Variants in WDR62 observed in about 807,000 individuals in gnomAD.
WDR62 encodes WD repeat domain 62, also known as WD repeat-containing protein 62.
WDR62 carries 112 observed loss-of-function variants against 160.6 expected under a neutral mutation model. That is an observed-to-expected ratio of 0.70 (90% CI 0.60 to 0.82). The LOEUF (loss-of-function observed/expected upper bound fraction) is 0.82. Among genes scored for constraint, WDR62 ranks in the 40% least tolerant of loss-of-function variants. The pLI, the probability that WDR62 is intolerant of heterozygous loss-of-function variation, is 0.00. For synonymous variants in WDR62, 792 were observed against 815.1 expected, an observed-to-expected ratio of 0.97 and a Z score of 0.48; for missense variants, 1,819 against 1,983.8, an observed-to-expected ratio of 0.92 and a Z score of 1.58.
intron 30 of WDR62, 118 bp from the exon 31 acceptor site, chr19:36,104,400 T>C (rs1973605095): frequency 1.5e-6 from 2 of 1,344,158 alleles, no homozygotes; most frequent in East Asian, 4.8e-5. Flanking sequence ...GGAGGGAGCC[T>C]TGGGGACCCA....
intron 31 of WDR62, 42 bp downstream of exon 31, chr19:36,104,717 T>C: frequency 1.2e-6 from 2 of 1,613,922 alleles, no homozygotes; most frequent in Non-Finnish European, 1.7e-6. Context: ...GAGGGGTCTC[T>C]TGAGACCGCC....
intron 9 of WDR62, among the ~76,000 whole-genome samples, chr19:36,080,697 C>T (rs1004745878): frequency 2.6e-5 from 4 of 152,058 alleles, no homozygotes; most frequent in African/African-American, 9.7e-5. Flanking sequence ...TCAGGTGATC[C>T]GCCCACCTCA....
At position 36,094,688 on chromosome 19, in the gene WDR62, G is replaced by A. The variant is rs1024486855; in HGVS notation, c.2467+524G>A. ...GAGGGTCACTTGAGGCCAGGAGGTCGAGACCAGCCTGGGCAACATAGCGAG... is the reference window on the plus strand; with the variant it reads ...GAGGGTCACTTGAGGCCAGGAGGTCAAGACCAGCCTGGGCAACATAGCGAG... On this transcript the variant is annotated intron_variant, in intron 20 of 31. Coordinates refer to ENST00000401500, the MANE Select transcript of WDR62 (RefSeq NM_001083961.2). 4.6e-5 allele frequency among the ~76,000 whole-genome samples: 7 copies of A among 151,818 alleles called. No individual in the cohort carries two copies. The East Asian group carries it at 1.2e-3, about 25-fold the overall frequency.
At chr19:36,093,644 A>G (rs1333114665) in intron 19 of WDR62, among the ~76,000 whole-genome samples, 1 of 152,128 alleles carries the variant, frequency 6.6e-6, no homozygotes, top group African/African-American at 2.4e-5. Flanking sequence ...CCCCCAAGCT[A>G]TGAACCAGGG....
intron 11 of WDR62, 141 bp downstream of exon 11, chr19:36,083,382 C>G (rs1016992): frequency 4.5e-6 from 4 of 898,088 alleles, no homozygotes; most frequent in Non-Finnish European, 7.1e-6. Context: ...CCATGAACAG[C>G]TCCCATTGGG....
At chr19:36,104,450 C>A in intron 30 of WDR62, 68 bp from the exon 31 acceptor site, 1 of 1,589,048 alleles carries the variant, frequency 6.3e-7, no homozygotes, top group African/African-American at 1.3e-5. Context: ...GGAGTCCACC[C>A]AGTCGCTCTG....
intron 9 of WDR62, chr19:36,074,417 T>C (rs962260377): frequency 8.5e-5 from 13 of 152,224 alleles, no homozygotes; most frequent in Non-Finnish European, 2.9e-5. Flanking sequence ...CCCAGCACTT[T>C]GGGAAATCGA....
At chr19:36,096,705 C>T (rs148855944) in intron 20 of WDR62, among the ~76,000 whole-genome samples, 5,272 of 148,514 alleles carry the variant, frequency 0.035, 132 homozygotes, top group East Asian at 0.11. Flanking sequence ...AGCGAGACTC[C>T]GTCTCAAAAA....
At chr19:36,103,099 A>G (rs1031241607) in intron 28 of WDR62, 25 bp downstream of exon 28, 1 of 1,614,006 alleles carries the variant, frequency 6.2e-7, no homozygotes, top group Non-Finnish European at 8.5e-7. Context: ...CACCTCCGTC[A>G]GGGCACGGGG....
intron 1 of WDR62, among the ~76,000 whole-genome samples, chr19:36,057,025 G>C (rs1345969850): frequency 6.6e-6 from 1 of 152,062 alleles, no homozygotes; most frequent in East Asian, 1.9e-4. Context: ...GTGTTGGCCA[G>C]GCTGGTCTTG....
rs200298843 is a variant in WDR62, at chr19:36,071,657, C to T, written c.984C>T (p.Leu328=). 5.9e-5 allele frequency: 96 copies of T among 1,614,256 alleles called. No homozygotes were observed. In the Middle Eastern group the frequency reaches 6.6e-4, roughly 11 times the overall value. ...TCCAGGCCCATAGCCTGCACTACCT[C>T]GCCAACCTGCCCAAGCCACACTACC... ...RIFQAHSLHY[L]ANLPKPHYLG... is the part of the protein sequence containing the mutation. Residue 328 remains leucine, a synonymous_variant, in exon 8 of 32, where the codon CTC becomes CTT. Transcript: ENST00000401500.
rs755604204 is a variant in WDR62 at position 36,086,821 on chromosome 19, C to T, written c.1768+9C>T. 2.7e-5 allele frequency: 44 copies of T among 1,608,836 alleles called. No individual in the cohort carries two copies. The highest frequency in any genetic ancestry group is 3.4e-5 in the Non-Finnish European group (40 of 1,177,214). On this transcript the variant is annotated intron_variant, in intron 13 of 31. Coordinates refer to ENST00000401500, the MANE Select transcript of WDR62 (RefSeq NM_001083961.2). ...CGCCATCAAGTTCGCTGGTGAGCCCCTTTCTTCCCGCTCCCTGCGCCTTGC... is the reference window on the plus strand; with the variant it reads ...CGCCATCAAGTTCGCTGGTGAGCCCTTTTCTTCCCGCTCCCTGCGCCTTGC...
chr19:36,105,124 G>A (rs550951506), downstream of WDR62: 30 of 1,471,856 alleles, frequency 2.0e-5, no homozygotes, highest in East Asian at 6.2e-4. Context: ...CCTGGTGTCT[G>A]TTTGGGCCTA....
chr19:36,103,802 G>C lies in WDR62; in HGVS notation c.3974G>C (p.Ser1325Thr). 6.2e-7 allele frequency: 1 copy of C among 1,608,900 alleles called. No homozygotes were observed. The highest frequency in any genetic ancestry group is 8.5e-7 in the Non-Finnish European group (1 of 1,179,458). Residue 1325 changes from serine (S) to threonine (T), a missense_variant, in exon 30 of 32, where the codon AGC becomes ACC. Ser to Thr is a moderately conservative substitution (Grantham distance 58). Coordinates refer to ENST00000401500, the MANE Select transcript of WDR62 (RefSeq NM_001083961.2). ...TQPGVTVPAVSFPAPSPVEES... is the reference protein window; with the variant it reads ...TQPGVTVPAVTFPAPSPVEES... ...CCTGGCGTCACCGTCCCTGCAGTGA[G>C]CTTCCCAGCCCCTAGCCCTGTGGAA...
chr19:36,111,137 A>C, the WDR62 span: 1 of 1,343,326 alleles, frequency 7.4e-7, no homozygotes, highest in Non-Finnish European at 1.0e-6. Context: ...AGGGATAGTC[A>C]TCCTGGGGCT....
At chr19:36,088,251 G>T (rs552489305) in intron 13 of WDR62, among the ~76,000 whole-genome samples, 2 of 151,900 alleles carry the variant, frequency 1.3e-5, no homozygotes, top group East Asian at 3.9e-4. Flanking sequence ...GAGACGGCCG[G>T]GGGCATCTCA....
Position 36,092,475 on chromosome 19 carries a change from A to G in WDR62, c.2211-214A>G, listed in dbSNP as rs947277827. 3.3e-5 allele frequency among the ~76,000 whole-genome samples: 5 copies of G among 152,230 alleles called. No homozygotes were observed. The South Asian group carries it at 1.0e-3, about 32-fold the overall frequency. On this transcript the variant is annotated intron_variant, in intron 18 of 31. Transcript: ENST00000401500. ...CCTCAGGTCTTGAGGCCTCCAGAACAGGCCCTGGTTTGCTGGGATGCCCCA... is the reference window on the plus strand; with the variant it reads ...CCTCAGGTCTTGAGGCCTCCAGAACGGGCCCTGGTTTGCTGGGATGCCCCA...
chr19:36,093,011 G>T (rs185055487), intron 19 of WDR62, among the ~76,000 whole-genome samples, 200 bp downstream of exon 19: 2 of 152,170 alleles, frequency 1.3e-5, no homozygotes, highest in Admixed American at 6.5e-5. Context: ...TTTAATTTTC[G>T]TAAATAATAG....
chr19:36,101,887 G>T (rs942041249), intron 25 of WDR62, 113 bp downstream of exon 25: 1 of 1,539,672 alleles, frequency 6.5e-7, no homozygotes, highest in Non-Finnish European at 8.9e-7. Flanking sequence ...GGAAGACGGG[G>T]ATCCCTGCTT....
Sources: allele counts gnomAD v4.1 joint callset (sites outside exome capture counted in the v4.1 genomes callset), GRCh38; gene constraint gnomAD v4.1.1; transcripts MANE v1.5; gene names NCBI Gene and HGNC (gene_info 2026-07-23, HGNC 2026-07-21).